The following CHD2 variants were observed in gnomAD, a reference collection of about 807,000 sequenced individuals.
The protein encoded by CHD2 is ATP-dependent chromatin remodeler CHD2.
CHD2 carries 28 observed loss-of-function variants against 243.9 expected under a neutral mutation model. The ratio of observed to expected loss-of-function variants is 0.11; its 90% CI spans 0.09 to 0.16. CHD2 has a LOEUF of 0.16. Ranked by LOEUF, CHD2 falls within the 10% of genes least tolerant of loss-of-function variation. The pLI is 1.00. For synonymous variants in CHD2, 775 were observed against 779.0 expected, an observed-to-expected ratio of 0.99 and a Z score of 0.09; for missense variants, 1,386 against 2,209.8, an observed-to-expected ratio of 0.63 and a Z score of 7.47.
intron 20 of CHD2, among the ~76,000 whole-genome samples, chr15:92,977,078 T>C (rs2053920264): frequency 2.6e-5 from 4 of 152,188 alleles, no homozygotes; most frequent in Non-Finnish European, 5.9e-5. Context: ...AAGAGTGATA[T>C]AGCAGATTGT....
chr15:93,020,470 AG>A, intron 38 of CHD2: 1 of 639,874 alleles, frequency 1.6e-6, no homozygotes, highest in Non-Finnish European at 2.7e-6. Flanking sequence ...GCAGGAAAAG[AG>A]TTTTCTGCCG....
At chr15:92,903,993 A>C (rs533103080) in intron 2 of CHD2, among the ~76,000 whole-genome samples, 1 of 152,356 alleles carries the variant, frequency 6.6e-6, no homozygotes, top group East Asian at 1.9e-4. Context: ...CAGCCATTTT[A>C]TGACGCTGAT....
intron 23 of CHD2, 40 bp downstream of exon 23, chr15:92,980,951 A>T (rs1250058898): frequency 1.4e-6 from 2 of 1,387,168 alleles, no homozygotes; most frequent in South Asian, 2.3e-5. Context: ...TTTGAGAAGT[A>T]TGATCTGTGA....
At chr15:92,930,461 C>T (rs1163644578) in intron 5 of CHD2, among the ~76,000 whole-genome samples, 2 of 152,028 alleles carry the variant, frequency 1.3e-5, no homozygotes, top group East Asian at 3.9e-4. Context: ...GAGACAGGGT[C>T]TCACTCTGTT....
chr15:92,973,578 T>C (rs1437869279), intron 19 of CHD2, among the ~76,000 whole-genome samples: 1 of 152,194 alleles, frequency 6.6e-6, no homozygotes, highest in African/African-American at 2.4e-5. Flanking sequence ...AAAGGCATTG[T>C]TATATCCATA....
chr15:92,952,293 G>A (rs991978976), intron 13 of CHD2, among the ~76,000 whole-genome samples: 15 of 152,176 alleles, frequency 9.9e-5, no homozygotes, highest in African/African-American at 3.6e-4. Flanking sequence ...CTAGGGACTG[G>A]TTTCGTGGAA....
intron 26 of CHD2, among the ~76,000 whole-genome samples, chr15:92,986,990 C>A (rs1360968510): frequency 6.6e-6 from 1 of 152,140 alleles, no homozygotes; most frequent in East Asian, 1.9e-4. Flanking sequence ...CCTGCTTCAG[C>A]CTCCCAAAGT....
chr15:93,019,723 C>G (rs1287919287), intron 37 of CHD2, among the ~76,000 whole-genome samples: 4 of 152,112 alleles, frequency 2.6e-5, no homozygotes, highest in Admixed American at 2.6e-4. Context: ...CACCTGAGGT[C>G]AGGAGTTTGA....
At position 92,965,595 on chromosome 15, in the gene CHD2, A is replaced by C. The variant is rs868693068; in HGVS notation, c.2001-1730A>C. On this transcript the variant is annotated intron_variant, in intron 16 of 38. Coordinates refer to ENST00000394196, the MANE Select transcript of CHD2 (RefSeq NM_001271.4). ...AAAAAAAAAAAAAAAAAAAAAAAAA[A>C]CCAACTCAGAATCTGATGGTAAATA... Among the ~76,000 whole-genome samples, 110 of 138,568 alleles carry C rather than the reference A, an allele frequency of 7.9e-4. 1 individual carries two copies. In the Middle Eastern group the frequency reaches 0.027, roughly 34 times the overall value. 90.9% of individuals were successfully genotyped at this position (138,568 alleles called of 152,430 possible).
At chr15:93,013,928 C>CAAAA (rs35774813) in intron 36 of CHD2, among the ~76,000 whole-genome samples, 2 of 64,132 alleles carry the variant, frequency 3.1e-5, no homozygotes, top group African/African-American at 7.0e-5. Context: ...GACTCTGTCT[C>CAAAA]AAAAAAAAAA....
At chr15:93,001,846 C>G (rs1261657843) in intron 32 of CHD2, among the ~76,000 whole-genome samples, 1 of 152,146 alleles carries the variant, frequency 6.6e-6, no homozygotes, top group African/African-American at 2.4e-5. Context: ...ATACTAGCAA[C>G]CTAATCAGTT....
intron 36 of CHD2, among the ~76,000 whole-genome samples, chr15:93,013,737 C>G (rs957631811): frequency 7.2e-5 from 11 of 151,944 alleles, no homozygotes; most frequent in African/African-American, 2.7e-4. Context: ...GAGTTCGAGA[C>G]CAGCCTGGCC....
chr15:92,938,296 TC>T (rs1419575136), intron 6 of CHD2, among the ~76,000 whole-genome samples: 1 of 152,216 alleles, frequency 6.6e-6, no homozygotes, highest in Non-Finnish European at 1.5e-5. Context: ...TGAAATGTTA[TC>T]CCCTCAAAAA....
At chr15:92,979,352 G>A in intron 22 of CHD2, 69 bp downstream of exon 22, 1 of 1,549,476 alleles carries the variant, frequency 6.5e-7, no homozygotes, top group Non-Finnish European at 8.7e-7. Flanking sequence ...GATATAATAG[G>A]ATTTTCTACC....
intron 5 of CHD2, among the ~76,000 whole-genome samples, chr15:92,935,430 C>T (rs1315070908): frequency 6.6e-6 from 1 of 152,226 alleles, no homozygotes; most frequent in Non-Finnish European, 1.5e-5. Context: ...AGCCTCAACA[C>T]ATCCATTCTC....
At chr15:92,939,500 C>A in intron 6 of CHD2, 78 bp from the exon 7 acceptor site, 1 of 1,461,970 alleles carries the variant, frequency 6.8e-7, no homozygotes, top group Non-Finnish European at 9.3e-7. Flanking sequence ...AACCACTGCT[C>A]TGGGAAATAC....
intron 2 of CHD2, among the ~76,000 whole-genome samples, chr15:92,916,759 GT>G (rs2052845244): frequency 6.6e-6 from 1 of 152,094 alleles, no homozygotes; most frequent in African/African-American, 2.4e-5. Context: ...TCACCATGTG[GT>G]CCAGGATTGT....
At chr15:92,905,926 T>TA (rs1343772803) in intron 2 of CHD2, among the ~76,000 whole-genome samples, 1 of 152,208 alleles carries the variant, frequency 6.6e-6, no homozygotes, top group Non-Finnish European at 1.5e-5. Flanking sequence ...GACTGAATTC[T>TA]AATTAGTTGT....
intron 32 of CHD2, among the ~76,000 whole-genome samples, chr15:93,001,872 A>G (rs957326695): frequency 6.6e-6 from 1 of 152,216 alleles, no homozygotes; most frequent in Non-Finnish European, 1.5e-5. Context: ...CTGACTTTGT[A>G]TAGGTATATA....
Sources: gnomAD v4.1 joint callset for allele counts (sites outside exome capture counted in the v4.1 genomes callset) on GRCh38, gnomAD v4.1.1 for gene constraint, MANE v1.5 for transcripts, NCBI Gene and HGNC (gene_info 2026-07-23, HGNC 2026-07-21) for gene names.